Variants in KALRN observed in about 807,000 individuals in gnomAD.
KALRN encodes the protein kalirin.
A neutral mutation model predicts 353.7 loss-of-function variants in KALRN; 70 were observed. The observed-to-expected ratio is 0.20, with a 90% CI of 0.16 to 0.24. The LOEUF is 0.24. Among genes scored for constraint, KALRN ranks in the 10% least tolerant of loss-of-function variants. KALRN has a pLI of 1.00. For missense variants in KALRN, 2,791 were observed against 3,756.7 expected (o/e 0.74, Z 6.72); for synonymous variants, 1,391 against 1,434.8 (o/e 0.97, Z 0.69).
intron 5 of KALRN, among the ~76,000 whole-genome samples, chr3:124,276,453 G>C (rs1227025650): frequency 6.6e-6 from 1 of 152,092 alleles, no homozygotes; most frequent in Non-Finnish European, 1.5e-5. Flanking sequence ...GTCTTATCCT[G>C]CCTGGGGTGA....
intron 32 of KALRN, among the ~76,000 whole-genome samples, chr3:124,494,972 C>T (rs532343284): frequency 6.6e-6 from 1 of 152,320 alleles, no homozygotes; most frequent in South Asian, 2.1e-4. Context: ...TCCACATCTC[C>T]CCCAGCTTTT....
intron 51 of KALRN, among the ~76,000 whole-genome samples, chr3:124,683,895 A>C (rs1457702727): frequency 6.6e-6 from 1 of 152,244 alleles, no homozygotes; most frequent in East Asian, 1.9e-4. Context: ...ACACTTTCAG[A>C]ATAAACAGAA....
intron 1 of KALRN, among the ~76,000 whole-genome samples, chr3:124,091,250 A>C (rs2061102669): frequency 6.6e-6 from 1 of 152,218 alleles, no homozygotes; most frequent in Non-Finnish European, 1.5e-5. Flanking sequence ...GGGCAGGGTG[A>C]GGGAGATCAG....
intron 34 of KALRN, among the ~76,000 whole-genome samples, chr3:124,605,438 T>C (rs2077233290): frequency 6.6e-6 from 1 of 151,788 alleles, no homozygotes; most frequent in Admixed American, 6.6e-5. Context: ...CCAGGCATGG[T>C]GGCACATGTC....
intron 31 of KALRN, among the ~76,000 whole-genome samples, chr3:124,492,311 C>A (rs1332579259): frequency 6.6e-6 from 1 of 152,164 alleles, no homozygotes; most frequent in South Asian, 2.1e-4. Flanking sequence ...TGGAGCCATG[C>A]TAGGTGAACA....
chr3:124,648,545 A>G (rs1369229933), intron 37 of KALRN, among the ~76,000 whole-genome samples: 1 of 152,236 alleles, frequency 6.6e-6, no homozygotes, highest in Non-Finnish European at 1.5e-5. Context: ...ACTAGAGGAA[A>G]ACATTCATTT....
At chr3:124,509,206 T>C (rs979887353) in intron 33 of KALRN, among the ~76,000 whole-genome samples, 2 of 152,200 alleles carry the variant, frequency 1.3e-5, no homozygotes, top group African/African-American at 2.4e-5. Flanking sequence ...AGGCATCTCT[T>C]ACATTTTGTA....
intron 10 of KALRN, among the ~76,000 whole-genome samples, chr3:124,373,425 G>T (rs751615076): frequency 1.8e-4 from 28 of 152,334 alleles, no homozygotes; most frequent in South Asian, 1.4e-3. Flanking sequence ...AGGACAGCCC[G>T]TGTTTGTTTC....
intron 13 of KALRN, among the ~76,000 whole-genome samples, chr3:124,405,369 C>G (rs574991098): frequency 5.3e-5 from 8 of 152,150 alleles, no homozygotes; most frequent in Non-Finnish European, 8.8e-5. Context: ...TATGCTCCTC[C>G]TTTCTGGTAA....
intron 51 of KALRN, among the ~76,000 whole-genome samples, chr3:124,691,419 A>G (rs1043628653): frequency 6.6e-6 from 1 of 152,120 alleles, no homozygotes; most frequent in Non-Finnish European, 1.5e-5. Context: ...GAAGAGTGAA[A>G]CTCCGTCTCA....
In KALRN at chr3:124,334,522, A is replaced by C. The variant is rs767630787; in HGVS notation, c.1647+27A>C. On this transcript the variant is annotated intron_variant, in intron 9 of 59. Transcript: ENST00000682506. This position sits in a 1 kb window ranked among gnomAD's most constrained non-coding sequence, Gnocchi z 4.2. The stretch of plus-strand genomic sequence containing the variant: ...TAACAGGCTCTGAGCCCCGGTGTCC[A>C]TTATCCATTCTAGGAGGCAGACCGA... 6.5e-7 allele frequency: 1 copy of C among 1,548,314 alleles called. No individual in the cohort carries two copies. Among genetic ancestry groups the C allele is most frequent in the East Asian group, 2.3e-5 (1 of 43,820 alleles).
In KALRN at chr3:124,672,186, G is replaced by A. The variant is rs142040592; in HGVS notation, c.6942+288G>A. ...TGGTCTCAAATTCCTGGCCTCAGGC[G>A]ATATGGCCACTTCAGCCTCCCACAG... On this transcript the variant is annotated intron_variant, in intron 48 of 59. Coordinates refer to ENST00000682506, the MANE Select transcript of KALRN (RefSeq NM_001388419.1). 8.7e-3 allele frequency among the ~76,000 whole-genome samples: 1,325 copies of A among 152,262 alleles called. 15 individuals are homozygous for A. Among genetic ancestry groups the A allele is most frequent in the African/African-American group, 0.03 (1,241 of 41,538 alleles).
Position 124,298,366 on chromosome 3 carries a change from G to C in KALRN, c.970-425G>C, listed in dbSNP as rs527825470. On this transcript the variant is annotated intron_variant, in intron 5 of 59. Transcript: ENST00000682506. ...TGTGTGTGGCTGGGCAGTGTATAAG[G>C]GGGGCAGAGGCGAGTAAGGATGTCC... 1.7e-4 allele frequency among the ~76,000 whole-genome samples: 26 copies of C among 152,216 alleles called. No homozygotes were observed. In the East Asian group the frequency reaches 1.9e-3, roughly 11 times the overall value.
At chr3:124,571,674 G>A (rs114931708) in intron 34 of KALRN, among the ~76,000 whole-genome samples, 25 of 152,142 alleles carry the variant, frequency 1.6e-4, no homozygotes, top group African/African-American at 5.5e-4. Flanking sequence ...AAAGTATCCT[G>A]TGTTTATTTT....
At chr3:124,489,076 G>T (rs2108385337) in intron 29 of KALRN, among the ~76,000 whole-genome samples, 1 of 152,322 alleles carries the variant, frequency 6.6e-6, no homozygotes, top group Non-Finnish European at 1.5e-5. Flanking sequence ...GGAGGCCAAG[G>T]TGGGTGGATC....
chr3:124,664,379 G>GCGCGCA (rs1559801253), intron 45 of KALRN, among the ~76,000 whole-genome samples: 1 of 150,484 alleles, frequency 6.6e-6, no homozygotes, highest in East Asian at 2.0e-4. Context: ...GTGCGCGCGC[G>GCGCGCA]CGCATATAAG....
chr3:124,554,710 T>C (rs145190898), intron 33 of KALRN, among the ~76,000 whole-genome samples: 82 of 152,146 alleles, frequency 5.4e-4, no homozygotes, highest in African/African-American at 2.0e-3. Flanking sequence ...AGTCTGGTAA[T>C]CTATAGCTGA....
chr3:124,072,295 C>CCTGTATCTGCTCT (rs1340943407), intron 1 of KALRN, among the ~76,000 whole-genome samples: 2 of 152,182 alleles, frequency 1.3e-5, no homozygotes, highest in Non-Finnish European at 2.9e-5. Flanking sequence ...CGATCTGCTC[C>CCTGTATCTGCTCT]CTGTATCTGC....
chr3:124,178,678 C>T (rs756851264), intron 1 of KALRN, among the ~76,000 whole-genome samples: 1 of 152,158 alleles, frequency 6.6e-6, no homozygotes, highest in Non-Finnish European at 1.5e-5. Flanking sequence ...AGTACACTTA[C>T]CATAAATGCA....
Sources: allele counts gnomAD v4.1 joint callset (sites outside exome capture counted in the v4.1 genomes callset), GRCh38; gene constraint gnomAD v4.1.1; non-coding constraint Gnocchi (gnomAD v3.1); transcripts MANE v1.5; gene names NCBI Gene and HGNC (gene_info 2026-07-23, HGNC 2026-07-21).